The following IST1 variants were observed in gnomAD, a reference collection of about 807,000 sequenced individuals.
IST1 encodes IST1 factor associated with ESCRT-III, also known as IST1 homolog.
A neutral mutation model predicts 37.0 loss-of-function variants in IST1; 23 were observed. The observed-to-expected ratio is 0.62, with a 90% confidence interval of 0.45 to 0.88. The LOEUF is 0.88. IST1 is among the 40% of genes least tolerant of loss of function. The pLI, the probability that IST1 is intolerant of heterozygous loss-of-function variation, is 0.00. For synonymous variants in IST1, 180 were observed against 161.7 expected (o/e 1.11, Z -0.86); for missense variants, 488 against 445.4 (o/e 1.10, Z -0.86).
At chr16:71,919,497 C>T (rs897699625) in intron 4 of IST1, among the ~76,000 whole-genome samples, 1 of 152,220 alleles carries the variant, frequency 6.6e-6, no homozygotes, top group Admixed American at 6.5e-5. Flanking sequence ...GATCATCCTC[C>T]CACCTCAGCC....
intron 8 of IST1, chr16:71,924,420 G>A (rs569053435): frequency 7.2e-6 from 3 of 414,224 alleles, no homozygotes; most frequent in Admixed American, 3.6e-5. Flanking sequence ...GCGAAACCCT[G>A]TCTCTACCCA....
intron 1 of IST1, among the ~76,000 whole-genome samples, chr16:71,911,416 C>A (rs2037351534): frequency 6.6e-6 from 1 of 150,708 alleles, no homozygotes; most frequent in African/African-American, 2.4e-5. Context: ...GCCTGTAATC[C>A]CAGACACTCC....
intron 1 of IST1, among the ~76,000 whole-genome samples, chr16:71,905,472 G>A (rs1317730080): frequency 1.3e-5 from 2 of 151,704 alleles, no homozygotes; most frequent in African/African-American, 2.4e-5. Flanking sequence ...TTCGTCTGCT[G>A]GGTTCAAGTG....
chr16:71,908,867 G>C (rs2037287470), intron 1 of IST1, among the ~76,000 whole-genome samples: 1 of 152,054 alleles, frequency 6.6e-6, no homozygotes, highest in Non-Finnish European at 1.5e-5. Context: ...TCAAATTGTG[G>C]TCTTCTTCAT....
chr16:71,929,775 A>C lies in IST1; in HGVS notation c.*1962A>C. On this transcript the variant is annotated 3_prime_UTR_variant, in exon 10 of 10. Transcript: ENST00000378799. ...CCAAAGATTTTTAAAAAATTAGTAA[A>C]TGTAAAGATACTATTTCTTTAATAA... is the stretch of plus-strand genomic sequence containing the variant. 1.7e-6 allele frequency: 2 copies of C among 1,185,912 alleles called. No individual in the cohort carries two copies. The highest frequency in any genetic ancestry group is 2.3e-6 in the Non-Finnish European group (2 of 858,952). 73.5% of individuals were successfully genotyped at this position (1,185,912 alleles called of 1,614,324 possible). A position where few individuals can be genotyped will look rare whatever the true frequency, so the allele number is the denominator to read the frequency against.
At chr16:71,915,987 C>T (rs1231644194) in intron 2 of IST1, among the ~76,000 whole-genome samples, 2 of 151,974 alleles carry the variant, frequency 1.3e-5, no homozygotes, top group Non-Finnish European at 2.9e-5. Flanking sequence ...TGTGCCACCA[C>T]ACCTGGCTAA....
intron 1 of IST1, 52 bp from the exon 2 acceptor site, chr16:71,915,574 T>A: frequency 7.8e-7 from 1 of 1,285,118 alleles, no homozygotes; most frequent in Admixed American, 2.0e-5. Flanking sequence ...AGGTGTTAGT[T>A]CCTGAACTAA....
At chr16:71,924,744 T>C in intron 8 of IST1, 25 bp from the exon 9 acceptor site, 1 of 1,582,064 alleles carries the variant, frequency 6.3e-7, no homozygotes, top group Non-Finnish European at 8.7e-7. Context: ...TGCTGTCTCC[T>C]CTGGTAACAA....
Position 71,915,639 on chromosome 16 carries a change from G to T in IST1, c.-2G>T, listed in dbSNP as rs763645311. ...TTCTGTTTCTAGGAGGAACAGCACAGCATGCTGGGCTCTGGATTTAAAGCT... is the reference window on the plus strand; with the variant it reads ...TTCTGTTTCTAGGAGGAACAGCACATCATGCTGGGCTCTGGATTTAAAGCT... On this transcript the variant is annotated 5_prime_UTR_variant, in exon 2 of 10. Coordinates refer to ENST00000378799, the MANE Select transcript of IST1 (RefSeq NM_001270975.2). 1 of 1,609,950 alleles carries T rather than the reference G, an allele frequency of 6.2e-7. No individual in the cohort carries two copies. The highest frequency in any genetic ancestry group is 1.1e-5 in the South Asian group (1 of 90,612).
chr16:71,928,527 C>T lies in IST1; in HGVS notation c.*714C>T, dbSNP rs929829207. On this transcript the variant is annotated 3_prime_UTR_variant, in exon 10 of 10. Coordinates refer to ENST00000378799, the MANE Select transcript of IST1 (RefSeq NM_001270975.2). Reference sequence around the variant, plus strand: ...TTTCCCTTGTACCAGAGGGCGGCACCGTGGAAATTCTGTTTTCCCTGTAGC... The same window carrying T: ...TTTCCCTTGTACCAGAGGGCGGCACTGTGGAAATTCTGTTTTCCCTGTAGC... 48 of 152,552 alleles carry T rather than the reference C, an allele frequency of 3.1e-4. No homozygotes were observed. Among genetic ancestry groups the T allele is most frequent in the African/African-American group, 9.7e-4 (40 of 41,404 alleles). The allele number at this position is 152,552 out of a possible 1,614,324, so 9.4% of individuals were successfully genotyped here. A position where few individuals can be genotyped will look rare whatever the true frequency, so the allele number is the denominator to read the frequency against.
At chr16:71,907,194 T>G (rs1416321662) in intron 1 of IST1, among the ~76,000 whole-genome samples, 3 of 152,004 alleles carry the variant, frequency 2.0e-5, no homozygotes, top group African/African-American at 7.2e-5. Context: ...TTTCTTTTTT[T>G]TTTTTTTAAA....
At chr16:71,923,263 T>C in intron 7 of IST1, 25 bp from the exon 8 acceptor site, 2 of 1,453,876 alleles carry the variant, frequency 1.4e-6, no homozygotes, top group South Asian at 1.2e-5. Flanking sequence ...GCAGTGTCTC[T>C]GATGTTGCCT....
At chr16:71,895,105 GA>G (rs948650824), upstream of IST1, 26 of 361,812 alleles carry the variant, frequency 7.2e-5, no homozygotes, top group Admixed American at 6.0e-4. Context: ...CACCCAGGGG[GA>G]AAGTCCAGCG....
At chr16:71,903,500 T>A (rs1004367489) in intron 1 of IST1, 3 of 152,226 alleles carry the variant, frequency 2.0e-5, no homozygotes, top group African/African-American at 4.8e-5. Flanking sequence ...ATTTCTAGTT[T>A]AATTCCATTA....
Position 71,927,877 on chromosome 16 carries a change from A to C in IST1, c.*64A>C. ...AGACTGAGCAATTTCTCCTTGTAAC[A>C]AAGAATCTCCATGAAATTCTGTTTC... On this transcript the variant is annotated 3_prime_UTR_variant, in exon 10 of 10. Coordinates refer to ENST00000378799, the MANE Select transcript of IST1 (RefSeq NM_001270975.2). The C allele has an allele frequency of 8.9e-7, 1 of 1,129,030 alleles. No individual in the cohort carries two copies. The highest frequency in any genetic ancestry group is 1.3e-6 in the Non-Finnish European group (1 of 751,980). The allele number at this position is 1,129,030 out of a possible 1,614,324, so 69.9% of individuals were successfully genotyped here. A position where few individuals can be genotyped will look rare whatever the true frequency, so the allele number is the denominator to read the frequency against.
intron 1 of IST1, among the ~76,000 whole-genome samples, chr16:71,912,486 C>G (rs148518696): frequency 0.068 from 10,421 of 152,246 alleles, 459 homozygotes; most frequent in Middle Eastern, 0.11. Context: ...ATCTGCCCAC[C>G]TCGGCCTCCC....
rs189758912 is a variant in IST1 at position 71,921,993 on chromosome 16, T to G, written c.553-481T>G. On this transcript the variant is annotated intron_variant, in intron 6 of 9. Transcript: ENST00000378799. ...TCTACTAAAAATACAAAAAATTAGC[T>G]GGGTGTGGTGGTGGGCACCTGTAAT... 2.5e-3 allele frequency among the ~76,000 whole-genome samples: 373 copies of G among 152,212 alleles called. 1 individual carries two copies. The highest frequency in any genetic ancestry group is 4.3e-3 in the Non-Finnish European group (292 of 68,002).
chr16:71,927,871 T>C lies in IST1; in HGVS notation c.*58T>C. On this transcript the variant is annotated 3_prime_UTR_variant, in exon 10 of 10. Coordinates refer to ENST00000378799, the MANE Select transcript of IST1 (RefSeq NM_001270975.2). ...GAGTTGAGACTGAGCAATTTCTCCT[T>C]GTAACAAAGAATCTCCATGAAATTC... The C allele has an allele frequency of 2.5e-6, 3 of 1,178,882 alleles. No homozygotes were observed. The highest frequency in any genetic ancestry group is 1.7e-5 in the Admixed American group (1 of 57,734). 73.0% of individuals were successfully genotyped at this position (1,178,882 alleles called of 1,614,324 possible). A position where few individuals can be genotyped will look rare whatever the true frequency, so the allele number is the denominator to read the frequency against.
At chr16:71,896,834 A>G (rs1305538720) in intron 1 of IST1, among the ~76,000 whole-genome samples, 12 of 152,094 alleles carry the variant, frequency 7.9e-5, no homozygotes, top group Admixed American at 7.2e-4. Context: ...AAAAACAGCC[A>G]GGCGTGGAGG....
Sources: allele counts gnomAD v4.1 joint callset (sites outside exome capture counted in the v4.1 genomes callset), GRCh38; gene constraint gnomAD v4.1.1; transcripts MANE v1.5; gene names NCBI Gene and HGNC (gene_info 2026-07-23, HGNC 2026-07-21).